The following STK10 variants were observed in gnomAD, a reference collection of about 807,000 sequenced individuals.
STK10 encodes the protein serine/threonine-protein kinase 10.
STK10 carries 78 observed loss-of-function variants against 113.8 expected under a neutral mutation model. The observed-to-expected ratio is 0.69, with a 90% CI of 0.57 to 0.83. The LOEUF (loss-of-function observed/expected upper bound fraction) is 0.83. Among genes scored for constraint, STK10 ranks in the 40% least tolerant of loss-of-function variants. The pLI is 0.00. For missense variants in STK10, 1,109 were observed against 1,280.1 expected (o/e 0.87, Z 2.04); for synonymous variants, 465 against 494.7 (o/e 0.94, Z 0.80).
rs77462941 is a variant in STK10 at position 172,171,430 on chromosome 5, T to C, written c.157-14642A>G. 1.0e-2 allele frequency among the ~76,000 whole-genome samples: 1,517 copies of C among 152,288 alleles called. 76 individuals are homozygous for C. In the East Asian group the frequency reaches 0.17, roughly 17 times the overall value. ...AAGGCGCTTAGAAGAGGCTGGGTCCTTGGCTGCGCATGGTGGCTCAAATGT... is the reference window on the plus strand; with the variant it reads ...AAGGCGCTTAGAAGAGGCTGGGTCCCTGGCTGCGCATGGTGGCTCAAATGT... On this transcript the variant is annotated intron_variant, in intron 1 of 18. Coordinates refer to ENST00000176763, the MANE Select transcript of STK10 (RefSeq NM_005990.4).
intron 2 of STK10, among the ~76,000 whole-genome samples, chr5:172,150,302 G>A (rs1351678919): frequency 2.6e-5 from 4 of 151,508 alleles, no homozygotes; most frequent in South Asian, 2.1e-4. Flanking sequence ...CCAACATGGC[G>A]AAACCCCGTC....
intron 7 of STK10, among the ~76,000 whole-genome samples, chr5:172,100,305 C>A (rs1039570330): frequency 2.0e-5 from 3 of 152,174 alleles, no homozygotes; most frequent in South Asian, 2.1e-4. Context: ...TCCTTCCCCC[C>A]AGTAAGAGGC....
chr5:172,162,290 A>G (rs1423486045), intron 1 of STK10, among the ~76,000 whole-genome samples: 1 of 152,084 alleles, frequency 6.6e-6, no homozygotes, highest in African/African-American at 2.4e-5. Flanking sequence ...CAGTGAGCCG[A>G]CTGCGCCACT....
At chr5:172,126,846 TG>T (rs1440269916) in intron 3 of STK10, among the ~76,000 whole-genome samples, 1 of 152,076 alleles carries the variant, frequency 6.6e-6, no homozygotes, top group Non-Finnish European at 1.5e-5. Context: ...TGAGAGTGTG[TG>T]GGGTCCCGCA....
chr5:172,053,533 T>C (rs986748031), intron 17 of STK10, among the ~76,000 whole-genome samples: 2 of 152,230 alleles, frequency 1.3e-5, no homozygotes, highest in African/African-American at 4.8e-5. Flanking sequence ...CTGACATGGG[T>C]GAGACTCTTC....
At chr5:172,181,470 TATTTA>T (rs1365337842) in intron 1 of STK10, among the ~76,000 whole-genome samples, 2 of 148,838 alleles carry the variant, frequency 1.3e-5, no homozygotes, top group African/African-American at 2.6e-5. Flanking sequence ...GGCATACGAT[TATTTA>T]ATTTATTTTA....
rs151162462 is a variant in STK10, at chr5:172,100,702, G to A, written c.871-4142C>T. On this transcript the variant is annotated intron_variant, in intron 7 of 18. Transcript: ENST00000176763. ...CTCGGGAGGCTGAAGCAAGAGAATC[G>A]CTTGAACCCAGGAGGCGGAGATTGC... is the stretch of plus-strand genomic sequence containing the variant. 8.2e-4 allele frequency among the ~76,000 whole-genome samples: 124 copies of A among 152,144 alleles called. 1 individual carries two copies. The South Asian group carries it at 0.017, about 21-fold the overall frequency.
At position 172,053,110 on chromosome 5, in the gene STK10, C is replaced by T. The variant is rs930494715; in HGVS notation, c.2653-68G>A. 4.2e-5 allele frequency: 55 copies of T among 1,299,346 alleles called. No homozygotes were observed. The Admixed American group carries it at 5.8e-4, about 14-fold the overall frequency. 80.5% of individuals were successfully genotyped at this position (1,299,346 alleles called of 1,614,324 possible). On this transcript the variant is annotated intron_variant, in intron 17 of 18. Transcript: ENST00000176763. The stretch of plus-strand genomic sequence containing the variant: ...GCAGGCCCTGAAGACTGAGACACAC[C>T]TCACGCTGTGGCTACGAGGGCACCA...
intron 10 of STK10, among the ~76,000 whole-genome samples, chr5:172,087,569 C>T (rs1159962575): frequency 2.6e-5 from 4 of 151,844 alleles, no homozygotes; most frequent in African/African-American, 9.7e-5. Flanking sequence ...GCCACTACAC[C>T]TGGCCTATGC....
intron 1 of STK10, among the ~76,000 whole-genome samples, chr5:172,186,574 A>G (rs1047285610): frequency 4.6e-5 from 7 of 152,022 alleles, no homozygotes; most frequent in African/African-American, 1.7e-4. Flanking sequence ...GTGAGCCGAG[A>G]TCGGGCCACT....
At chr5:172,128,738 G>T (rs1049619686) in intron 2 of STK10, among the ~76,000 whole-genome samples, 15 of 152,208 alleles carry the variant, frequency 9.9e-5, no homozygotes, top group Admixed American at 5.2e-4. Context: ...GCCCCTGCTT[G>T]TTGTGAAGTT....
At chr5:172,127,975 C>T (rs1439210022) in intron 2 of STK10, among the ~76,000 whole-genome samples, 2 of 152,200 alleles carry the variant, frequency 1.3e-5, no homozygotes, top group Admixed American at 6.5e-5. Flanking sequence ...ACCAAGGCCA[C>T]AGAGATTGTT....
chr5:172,113,913 C>CAAAA (rs11382952), intron 4 of STK10, among the ~76,000 whole-genome samples: 2 of 122,272 alleles, frequency 1.6e-5, no homozygotes, highest in East Asian at 4.7e-4. Context: ...AACTCCATCT[C>CAAAA]AAAAAAAAAA....
Position 172,054,655 on chromosome 5 carries a change from G to T in STK10, c.2566C>A (p.Leu856Met). ...QEEKRQKSER[L>M]QQQQKHENQM... Reference sequence around the variant, plus strand: ...TTCTCGTGTTTCTGCTGTTGCTGCAGCCGCTCCGACTTCTGCCTCTTCTCC... The same window carrying T: ...TTCTCGTGTTTCTGCTGTTGCTGCATCCGCTCCGACTTCTGCCTCTTCTCC... The change falls in exon 17 of 19, where the codon CTG becomes ATG. Residue 856 changes from leucine (L) to methionine (M), a missense_variant. Physicochemically the swap from Leu to Met is conservative, Grantham distance 15. Coordinates refer to ENST00000176763, the MANE Select transcript of STK10 (RefSeq NM_005990.4). 6.2e-7 allele frequency: 1 copy of T among 1,611,070 alleles called. No individual in the cohort carries two copies.
intron 1 of STK10, among the ~76,000 whole-genome samples, chr5:172,171,845 T>C (rs1770669945): frequency 6.6e-6 from 1 of 152,166 alleles, no homozygotes; most frequent in Admixed American, 6.5e-5. Flanking sequence ...CTTTACAAAA[T>C]TGGGATTAAA....
chr5:172,109,491 G>A (rs535001798), intron 4 of STK10, among the ~76,000 whole-genome samples: 30 of 151,904 alleles, frequency 2.0e-4, no homozygotes, highest in African/African-American at 7.2e-4. Context: ...TGTATTTTTT[G>A]TAGAGATGGA....
intron 15 of STK10, chr5:172,057,004 G>GAAAGAAAGAGAGAAA (rs1554115578): frequency 1.4e-5 from 1 of 73,394 alleles, no homozygotes. Context: ...AGAGAAAGAA[G>GAAAGAAAGAGAGAAA]GAAAGAAAGA....
At chr5:172,062,573 G>A (rs973992738) in intron 13 of STK10, among the ~76,000 whole-genome samples, 2 of 152,210 alleles carry the variant, frequency 1.3e-5, no homozygotes, top group African/African-American at 4.8e-5. Flanking sequence ...CCTTAAAAAG[G>A]AAGGAAATTC....
In STK10 at chr5:172,093,545, G is replaced by C. The variant is rs1172412422; in HGVS notation, c.1421C>G (p.Ala474Gly). 6.2e-7 allele frequency: 1 copy of C among 1,614,100 alleles called. No individual in the cohort carries two copies. The highest frequency in any genetic ancestry group is 1.7e-5 in the Admixed American group (1 of 60,006). ...CTTGGAAGGCCCTGGAGCTGCCTGG[G>C]CAGGTGGCTCCAGGCTGCCATTGGC... ...KLANGSLEPPAQAAPGPSKRD... is the reference protein window; with the variant it reads ...KLANGSLEPPGQAAPGPSKRD... The change falls in exon 9 of 19, where the codon GCC (alanine) becomes GGC (glycine). Residue 474 changes from alanine to glycine, a missense_variant. By Grantham distance (60) the Ala-to-Gly change is moderately conservative. Coordinates refer to ENST00000176763, the MANE Select transcript of STK10 (RefSeq NM_005990.4). This position sits in a 1 kb window ranked among gnomAD's most constrained non-coding sequence, Gnocchi z 4.1.
Sources: allele counts gnomAD v4.1 joint callset (sites outside exome capture counted in the v4.1 genomes callset), GRCh38; gene constraint gnomAD v4.1.1; non-coding constraint Gnocchi (gnomAD v3.1); transcripts MANE v1.5; gene names NCBI Gene and HGNC (gene_info 2026-07-23, HGNC 2026-07-21).